FKBP9: variants seen among roughly 807,000 people sequenced by gnomAD.
FKBP9 encodes FKBP prolyl isomerase 9.
A neutral mutation model predicts 55.6 loss-of-function variants in FKBP9; 27 were observed. The observed-to-expected ratio is 0.49, with a 90% CI of 0.36 to 0.67. FKBP9 has a LOEUF of 0.67. Ranked by LOEUF, FKBP9 falls within the 30% of genes least tolerant of loss-of-function variation. The pLI is 0.00. For missense variants in FKBP9, 539 were observed against 742.8 expected, an observed-to-expected ratio of 0.73 and a Z score of 3.19; for synonymous variants, 267 against 296.5, an observed-to-expected ratio of 0.90 and a Z score of 1.02.
intron 5 of FKBP9, 72 bp downstream of exon 5, chr7:32,980,625 G>A (rs1203316804): frequency 6.4e-7 from 1 of 1,564,714 alleles, no homozygotes; most frequent in Non-Finnish European, 8.7e-7. Context: ...GCTGGACCAT[G>A]ATTTAAATAC....
chr7:32,958,596 G>T (rs1365924435), intron 1 of FKBP9, among the ~76,000 whole-genome samples: 2 of 152,172 alleles, frequency 1.3e-5, no homozygotes, highest in Non-Finnish European at 2.9e-5. Context: ...AGGAGTTTGG[G>T]GCTGCTGTGA....
At chr7:32,978,540 T>C (rs890667316) in intron 4 of FKBP9, among the ~76,000 whole-genome samples, 1 of 152,046 alleles carries the variant, frequency 6.6e-6, no homozygotes, top group African/African-American at 2.4e-5. Context: ...AAAGTTTTTT[T>C]AGAGACAGTG....
chr7:32,972,277 G>A (rs913879341), intron 1 of FKBP9, among the ~76,000 whole-genome samples: 7 of 152,096 alleles, frequency 4.6e-5, no homozygotes, highest in Non-Finnish European at 1.0e-4. Context: ...CCTCTGGCTT[G>A]TTGGCCTGTA....
chr7:32,991,313 G>A (rs972511824), intron 6 of FKBP9, among the ~76,000 whole-genome samples: 1 of 151,914 alleles, frequency 6.6e-6, no homozygotes, highest in Non-Finnish European at 1.5e-5. Context: ...CCTTCATCCT[G>A]AATCACGTTG....
chr7:32,972,190 G>A (rs1480483036), intron 1 of FKBP9, among the ~76,000 whole-genome samples: 1 of 152,082 alleles, frequency 6.6e-6, no homozygotes, highest in Non-Finnish European at 1.5e-5. Context: ...ATTCCAGGGG[G>A]TGGGGATTGG....
In FKBP9 at chr7:33,006,863, G is replaced by A. The variant is rs1583878029; in HGVS notation, c.*1512G>A. On this transcript the variant is annotated 3_prime_UTR_variant, in exon 10 of 10. Transcript: ENST00000242209. Reference sequence around the variant, plus strand: ...CCCTGAGGTAGTTCATGAAAATGCTGTGCACTCATTCCATGGAATAAATGT... The same window carrying A: ...CCCTGAGGTAGTTCATGAAAATGCTATGCACTCATTCCATGGAATAAATGT... The A allele has an allele frequency of 5.2e-6, 1 of 191,076 alleles. No individual in the cohort carries two copies. Among genetic ancestry groups the A allele is most frequent in the East Asian group, 8.3e-5 (1 of 12,100 alleles). The allele number at this position is 191,076 out of a possible 1,614,324, so 11.8% of individuals were successfully genotyped here.
chr7:32,979,413 T>C, intron 4 of FKBP9: 1 of 900,804 alleles, frequency 1.1e-6, no homozygotes, highest in Non-Finnish European at 1.8e-6. Context: ...GACCACACCT[T>C]GCATTCCAGG....
intron 9 of FKBP9, among the ~76,000 whole-genome samples, chr7:33,004,515 C>T (rs559606875): frequency 1.3e-4 from 20 of 152,294 alleles, no homozygotes; most frequent in East Asian, 1.9e-4. Context: ...ATAACTTGTT[C>T]GGTCCTTTCC....
intron 9 of FKBP9, chr7:33,003,064 C>T (rs1784962701): frequency 1.9e-6 from 1 of 516,526 alleles, no homozygotes; most frequent in Admixed American, 3.1e-5. Context: ...AGGTGTAGGG[C>T]ATGATTCCAG....
intron 8 of FKBP9, among the ~76,000 whole-genome samples, chr7:33,001,273 G>T (rs1266145124): frequency 3.3e-5 from 5 of 152,266 alleles, no homozygotes; most frequent in Non-Finnish European, 7.4e-5. Flanking sequence ...GGCCGGGTGC[G>T]GTGGCTCATG....
chr7:32,958,520 G>A (rs1044764131), intron 1 of FKBP9, among the ~76,000 whole-genome samples: 8 of 152,214 alleles, frequency 5.3e-5, no homozygotes, highest in South Asian at 2.1e-4. Flanking sequence ...TTGGGGCTGG[G>A]CGTGGTGGCT....
At chr7:32,977,002 T>C (rs1784374746) in intron 4 of FKBP9, among the ~76,000 whole-genome samples, 1 of 152,252 alleles carries the variant, frequency 6.6e-6, no homozygotes, top group African/African-American at 2.4e-5. Context: ...AATTTAGCCA[T>C]ACAATGTCAG....
chr7:32,974,365 T>G (rs1358504449), intron 1 of FKBP9, among the ~76,000 whole-genome samples: 1 of 151,896 alleles, frequency 6.6e-6, no homozygotes, highest in Non-Finnish European at 1.5e-5. Context: ...TAACACATTT[T>G]TTTTTTTTTT....
At chr7:32,983,997 T>C (rs1430068045) in intron 5 of FKBP9, among the ~76,000 whole-genome samples, 7 of 152,298 alleles carry the variant, frequency 4.6e-5, no homozygotes, top group Non-Finnish European at 8.8e-5. Flanking sequence ...TTTTCCTCAA[T>C]TTATTTGTTT....
intron 4 of FKBP9, among the ~76,000 whole-genome samples, chr7:32,977,975 G>GC (rs1784399485): frequency 6.8e-6 from 1 of 147,504 alleles, no homozygotes; most frequent in Non-Finnish European, 1.5e-5. Flanking sequence ...AGGCTGGAGT[G>GC]CAGTGGTGCG....
chr7:32,960,589 T>C (rs1194265298), intron 1 of FKBP9, among the ~76,000 whole-genome samples: 1 of 152,222 alleles, frequency 6.6e-6, no homozygotes, highest in African/African-American at 2.4e-5. Context: ...TTGATGGTAA[T>C]TAATTCCAGT....
At chr7:32,965,812 A>AAAATATATAT (rs1554284289) in intron 1 of FKBP9, among the ~76,000 whole-genome samples, 2 of 34,932 alleles carry the variant, frequency 5.7e-5, no homozygotes, top group African/African-American at 2.4e-4. Context: ...AAAAAAAAAA[A>AAAATATATAT]ATATATATAT....
intron 1 of FKBP9, among the ~76,000 whole-genome samples, chr7:32,972,813 C>T (rs1224635761): frequency 6.6e-6 from 1 of 152,200 alleles, no homozygotes; most frequent in Non-Finnish European, 1.5e-5. Flanking sequence ...ACCTTCACCT[C>T]CCAGGTTCAA....
chr7:32,994,615 A>G (rs1225732904), intron 6 of FKBP9, among the ~76,000 whole-genome samples: 20 of 151,720 alleles, frequency 1.3e-4, no homozygotes, highest in Admixed American at 9.9e-4. Context: ...GTTTTGAGTG[A>G]GTAGCAGGCA....
Sources: gnomAD v4.1 joint callset for allele counts (sites outside exome capture counted in the v4.1 genomes callset) on GRCh38, gnomAD v4.1.1 for gene constraint, MANE v1.5 for transcripts, NCBI Gene and HGNC (gene_info 2026-07-23, HGNC 2026-07-21) for gene names.